NYAP2: variants seen among roughly 807,000 people sequenced by gnomAD.
NYAP2 encodes neuronal tyrosine-phosphorylated phosphoinositide-3-kinase adaptor 2.
Under a neutral mutation model 50.4 loss-of-function variants are expected in NYAP2, and 23 were observed. That is an observed-to-expected ratio of 0.46 (90% CI 0.33 to 0.65). NYAP2 has a LOEUF of 0.65. NYAP2 is among the 30% of genes least tolerant of loss of function. The probability of loss-of-function intolerance (pLI) is 0.02; values close to 1 mark genes in which losing one functional copy is unlikely to be tolerated. For synonymous variants in NYAP2, 394 were observed against 365.2 expected (o/e 1.08, Z -0.90); for missense variants, 885 against 861.0 (o/e 1.03, Z -0.35).
chr2:225,570,664 A>G (rs901835494), intron 4 of NYAP2, among the ~76,000 whole-genome samples: 1 of 152,202 alleles, frequency 6.6e-6, no homozygotes, highest in African/African-American at 2.4e-5. Flanking sequence ...CCCATCCCAT[A>G]ACACATGGGG....
intron 2 of NYAP2, among the ~76,000 whole-genome samples, chr2:225,407,986 ACAGTCTT>A (rs1411970994): frequency 2.0e-5 from 3 of 151,982 alleles, no homozygotes; most frequent in Admixed American, 6.6e-5. Context: ...TAAATTATTT[ACAGTCTT>A]CATCTCTCAT....
intron 3 of NYAP2, among the ~76,000 whole-genome samples, chr2:225,441,050 T>C (rs1167003117): frequency 2.0e-5 from 3 of 152,200 alleles, no homozygotes; most frequent in Non-Finnish European, 2.9e-5. Context: ...TCTTTTCTGA[T>C]GCAAATTGTG....
intron 3 of NYAP2, among the ~76,000 whole-genome samples, chr2:225,446,246 CTATATATATA>C (rs58633886): frequency 0.024 from 1,972 of 81,914 alleles, 63 homozygotes; most frequent in African/African-American, 0.084. Flanking sequence ...CTCTCTCTCT[CTATATATATA>C]TATATATATA....
At chr2:225,498,410 A>C (rs111390919) in intron 3 of NYAP2, among the ~76,000 whole-genome samples, 27 of 152,154 alleles carry the variant, frequency 1.8e-4, no homozygotes, top group African/African-American at 5.5e-4. Flanking sequence ...AGGGGAGTGG[A>C]GGGAAGAAGA....
chr2:225,472,545 G>T (rs1047201029), intron 3 of NYAP2, among the ~76,000 whole-genome samples: 5 of 152,036 alleles, frequency 3.3e-5, no homozygotes, highest in Admixed American at 3.3e-4. Flanking sequence ...TTCAATCAGG[G>T]TACAATATTT....
intron 3 of NYAP2, among the ~76,000 whole-genome samples, chr2:225,468,390 A>G (rs1689957837): frequency 6.6e-6 from 1 of 152,216 alleles, no homozygotes; most frequent in Non-Finnish European, 1.5e-5. Flanking sequence ...TGTTATTTTA[A>G]GCCATCCAGC....
intron 4 of NYAP2, among the ~76,000 whole-genome samples, chr2:225,515,133 G>T (rs879711689): frequency 1.3e-5 from 2 of 152,176 alleles, no homozygotes; most frequent in African/African-American, 2.4e-5. Context: ...TGGAGATAGA[G>T]TCAGTCCATA....
chr2:225,508,717 G>A (rs886744733), intron 3 of NYAP2, among the ~76,000 whole-genome samples: 1 of 152,242 alleles, frequency 6.6e-6, no homozygotes, highest in African/African-American at 2.4e-5. Flanking sequence ...CAGCCATAAA[G>A]GTTGCCTGAA....
At chr2:225,686,529 T>G in the NYAP2 span, among the ~76,000 whole-genome samples, 856 of 152,268 alleles carry the variant, frequency 5.6e-3, 16 homozygotes, top group African/African-American at 0.019. Flanking sequence ...AATATGTATG[T>G]AAGGATTACT....
intron 3 of NYAP2, among the ~76,000 whole-genome samples, chr2:225,494,142 C>G (rs931560759): frequency 2.6e-5 from 4 of 152,168 alleles, no homozygotes; most frequent in Admixed American, 2.0e-4. Flanking sequence ...ATTAAGAGCT[C>G]TTAAGAAGAA....
At chr2:225,624,210 A>G (rs1226284156) in intron 5 of NYAP2, among the ~76,000 whole-genome samples, 1 of 152,212 alleles carries the variant, frequency 6.6e-6, no homozygotes, top group Non-Finnish European at 1.5e-5. Flanking sequence ...CCCAATTCAC[A>G]AATCATTTCT....
the NYAP2 span, among the ~76,000 whole-genome samples, chr2:225,696,966 A>G: frequency 6.6e-6 from 1 of 152,028 alleles, no homozygotes; most frequent in African/African-American, 2.4e-5. Flanking sequence ...TAGAGTAAGC[A>G]TTATGTAAGT....
intron 3 of NYAP2, among the ~76,000 whole-genome samples, chr2:225,470,890 GTCC>G (rs749787250): frequency 3.9e-5 from 6 of 152,028 alleles, no homozygotes; most frequent in Non-Finnish European, 8.8e-5. Context: ...AGCTCAAGCA[GTCC>G]TCCTACCTCA....
the NYAP2 span, among the ~76,000 whole-genome samples, chr2:225,671,918 T>A: frequency 6.6e-6 from 1 of 152,106 alleles, no homozygotes; most frequent in East Asian, 1.9e-4. Context: ...TTTTTTTCTG[T>A]GCAGTAGGTC....
At chr2:225,540,873 A>C (rs1330226025) in intron 4 of NYAP2, among the ~76,000 whole-genome samples, 1 of 152,160 alleles carries the variant, frequency 6.6e-6, no homozygotes, top group Non-Finnish European at 1.5e-5. Flanking sequence ...AGTGTTCTCC[A>C]TAATGGTTTT....
chr2:225,469,432 AG>A (rs1689977640), intron 3 of NYAP2, among the ~76,000 whole-genome samples: 1 of 152,120 alleles, frequency 6.6e-6, no homozygotes, highest in Non-Finnish European at 1.5e-5. Context: ...TCATTGTGGA[AG>A]ATAATGTGGC....
intron 3 of NYAP2, among the ~76,000 whole-genome samples, chr2:225,412,272 T>G (rs1695056490): frequency 6.9e-6 from 1 of 145,066 alleles, no homozygotes; most frequent in African/African-American, 2.5e-5. Flanking sequence ...TTTTTTTTTT[T>G]TTTTTTTTTA....
chr2:225,493,635 C>A (rs944297668), intron 3 of NYAP2, among the ~76,000 whole-genome samples: 3 of 152,188 alleles, frequency 2.0e-5, no homozygotes, highest in African/African-American at 7.2e-5. Context: ...TGCGCAATTG[C>A]TTCCTAATTG....
chr2:225,611,736 T>C (rs1182048247), intron 5 of NYAP2, among the ~76,000 whole-genome samples: 1 of 151,960 alleles, frequency 6.6e-6, no homozygotes, highest in Non-Finnish European at 1.5e-5. Flanking sequence ...CAGGCAGAGG[T>C]CATGGTGTTT....
Sources: allele counts gnomAD v4.1 joint callset (sites outside exome capture counted in the v4.1 genomes callset), GRCh38; gene constraint gnomAD v4.1.1; transcripts MANE v1.5; gene names NCBI Gene and HGNC (gene_info 2026-07-23, HGNC 2026-07-21).